ABL1: variants seen among roughly 807,000 people sequenced by gnomAD.
ABL1 encodes the protein ABL proto-oncogene 1, non-receptor tyrosine kinase, also known as tyrosine-protein kinase ABL1.
ABL1 carries 11 observed loss-of-function variants against 94.7 expected under a neutral mutation model. The ratio of observed to expected loss-of-function variants is 0.12; its 90% confidence interval spans 0.07 to 0.19. The LOEUF (loss-of-function observed/expected upper bound fraction) is 0.19, where lower values mean the gene tolerates loss of function less well. ABL1 is among the 10% of genes least tolerant of loss of function. The pLI is 1.00. For synonymous variants in ABL1, 656 were observed against 622.4 expected (o/e 1.05, Z -0.80); for missense variants, 1,082 against 1,489.4 (o/e 0.73, Z 4.50).
At chr9:130,815,959 A>G (rs1830280691) in intron 1 of ABL1, among the ~76,000 whole-genome samples, 1 of 152,236 alleles carries the variant, frequency 6.6e-6, no homozygotes, top group African/African-American at 2.4e-5. Flanking sequence ...TGGAGGTTGC[A>G]GTGAGCCAAG....
At position 130,766,865 on chromosome 9, in the gene ABL1, G is replaced by T. The variant is rs1288456949; in HGVS notation, c.136+52410G>T. On this transcript the variant is annotated intron_variant, in intron 1 of 10. Coordinates refer to the ABL1 transcript ENST00000372348. ...CTGCTAGCAGAGAGACCCTCCCTTA[G>T]AAACTTACATCAGATCTTTTCACTA... Among the ~76,000 whole-genome samples the T allele has an allele frequency of 2.0e-5, 3 of 152,144 alleles. No homozygotes were observed. In the East Asian group the frequency reaches 5.8e-4, roughly 29 times the overall value.
chr9:130,813,180 A>C (rs1284275018), intron 1 of ABL1, among the ~76,000 whole-genome samples: 1 of 151,474 alleles, frequency 6.6e-6, no homozygotes. Flanking sequence ...GCACTACTGC[A>C]CTCCAGCTGG....
chr9:130,811,583 A>G (rs1232315565), intron 1 of ABL1, among the ~76,000 whole-genome samples: 1 of 152,168 alleles, frequency 6.6e-6, no homozygotes, highest in Non-Finnish European at 1.5e-5. Context: ...GATAAGTTAA[A>G]GATGCATATG....
chr9:130,737,252 A>T (rs545459447), intron 1 of ABL1, among the ~76,000 whole-genome samples: 7 of 151,050 alleles, frequency 4.6e-5, no homozygotes, highest in East Asian at 3.9e-4. Context: ...TTTAAAATTT[A>T]AAAAAAAATT....
At chr9:130,798,609 C>T (rs1830011517) in intron 1 of ABL1, among the ~76,000 whole-genome samples, 1 of 152,090 alleles carries the variant, frequency 6.6e-6, no homozygotes, top group Admixed American at 6.6e-5. Context: ...CCTGCCATGC[C>T]TTTGTATGGC....
At chr9:130,873,390 A>G (rs1337211786) in intron 6 of ABL1, among the ~76,000 whole-genome samples, 1 of 152,210 alleles carries the variant, frequency 6.6e-6, no homozygotes, top group Non-Finnish European at 1.5e-5. Flanking sequence ...GAGAGTACTC[A>G]TTGTTCCTCC....
At chr9:130,856,659 G>C (rs1399732510) in intron 3 of ABL1, among the ~76,000 whole-genome samples, 1 of 152,204 alleles carries the variant, frequency 6.6e-6, no homozygotes, top group Non-Finnish European at 1.5e-5. Context: ...GTTCCTTCTA[G>C]AGTTACCTGG....
intron 1 of ABL1, among the ~76,000 whole-genome samples, chr9:130,771,754 T>TTCTTTC (rs546576238): frequency 1.7e-4 from 2 of 11,776 alleles, no homozygotes; most frequent in Admixed American, 1.2e-3. Flanking sequence ...CTTTCTTTCT[T>TTCTTTC]TTTTTTTTTT....
At chr9:130,846,159 T>G (rs1830768451) in intron 1 of ABL1, among the ~76,000 whole-genome samples, 1 of 152,146 alleles carries the variant, frequency 6.6e-6, no homozygotes, top group Admixed American at 6.6e-5. Flanking sequence ...GGTGAAGGTG[T>G]AAATTACAAA....
At chr9:130,790,737 G>A (rs910556551) in intron 1 of ABL1, among the ~76,000 whole-genome samples, 1 of 151,840 alleles carries the variant, frequency 6.6e-6, no homozygotes, top group African/African-American at 2.4e-5. Flanking sequence ...GCGTCCCAAA[G>A]TGCTGGGATT....
At chr9:130,854,571 T>G (rs938808742) in intron 2 of ABL1, among the ~76,000 whole-genome samples, 1 of 152,204 alleles carries the variant, frequency 6.6e-6, no homozygotes, top group East Asian at 1.9e-4. Context: ...CATAATTGAT[T>G]TATAAAAACT....
chr9:130,756,328 ATT>A (rs36023901), intron 1 of ABL1, among the ~76,000 whole-genome samples: 22 of 145,984 alleles, frequency 1.5e-4, no homozygotes, highest in African/African-American at 2.3e-4. Context: ...GGAAGTTTTA[ATT>A]TTTTTTTTTT....
chr9:130,874,912 T>C lies in ABL1; in HGVS notation c.1130T>C (p.Val377Ala). ...RNCLVGENHL[V>A]KVADFGLSRL... ...TGCCTGGTAGGGGAGAACCACTTGG[T>C]GAAGGTAGCTGATTTTGGCCTGAGC... The change falls in exon 7 of 11, where the codon GTG becomes GCG. Residue 377 changes from valine (V) to alanine (A), a missense_variant. Coordinates refer to ENST00000318560, the MANE Select transcript of ABL1 (RefSeq NM_005157.6). The C allele has an allele frequency of 6.2e-7, 1 of 1,614,144 alleles. No homozygotes were observed. Among genetic ancestry groups the C allele is most frequent in the Non-Finnish European group, 8.5e-7 (1 of 1,180,020 alleles).
intron 1 of ABL1, among the ~76,000 whole-genome samples, chr9:130,821,440 C>G (rs1350186950): frequency 6.6e-6 from 1 of 151,954 alleles, no homozygotes; most frequent in Non-Finnish European, 1.5e-5. Flanking sequence ...TGAGGTTTAT[C>G]TGTATTATAG....
intron 1 of ABL1, among the ~76,000 whole-genome samples, chr9:130,836,597 G>A (rs1384672402): frequency 1.3e-5 from 2 of 152,110 alleles, no homozygotes; most frequent in African/African-American, 4.8e-5. Flanking sequence ...GCCGAGACGG[G>A]TGGATTATTT....
At chr9:130,878,638 G>A (rs1349532572) in intron 8 of ABL1, 71 bp downstream of exon 8, 1 of 1,547,948 alleles carries the variant, frequency 6.5e-7, no homozygotes, top group South Asian at 1.2e-5. Context: ...GCAGGAGTGT[G>A]TACACAAAGT....
At chr9:130,845,580 C>T (rs1830755115) in intron 1 of ABL1, among the ~76,000 whole-genome samples, 1 of 152,074 alleles carries the variant, frequency 6.6e-6, no homozygotes, top group South Asian at 2.1e-4. Flanking sequence ...CAGGAGTGAG[C>T]CACCACACCT....
chr9:130,751,775 A>C (rs1831970592), intron 1 of ABL1, among the ~76,000 whole-genome samples: 1 of 152,178 alleles, frequency 6.6e-6, no homozygotes, highest in South Asian at 2.1e-4. Context: ...AGAAAACCAA[A>C]TGCTTTCCAG....
chr9:130,729,451 C>G (rs1320018797), intron 1 of ABL1, among the ~76,000 whole-genome samples: 1 of 152,186 alleles, frequency 6.6e-6, no homozygotes, highest in Admixed American at 6.5e-5. Flanking sequence ...AAATCCAAGT[C>G]TTTGCTTCCT....
Sources: gnomAD v4.1 joint callset for allele counts (sites outside exome capture counted in the v4.1 genomes callset) on GRCh38, gnomAD v4.1.1 for gene constraint, MANE v1.5 for transcripts, NCBI Gene and HGNC (gene_info 2026-07-23, HGNC 2026-07-21) for gene names.